Variants in SYT17 observed in about 807,000 individuals in gnomAD.
The protein encoded by SYT17 is synaptotagmin 17, also known as synaptotagmin-17.
A neutral mutation model predicts 46.7 loss-of-function variants in SYT17; 22 were observed. That is an observed-to-expected ratio of 0.47 (90% CI 0.34 to 0.67). SYT17 has a LOEUF of 0.67. SYT17 is among the 30% of genes least tolerant of loss of function. The pLI is 0.01. For missense variants in SYT17, 519 were observed against 612.8 expected (o/e 0.85, Z 1.62); for synonymous variants, 251 against 248.4 (o/e 1.01, Z -0.10).
chr16:19,168,615 G>A lies in SYT17; in HGVS notation c.-32G>A. 1 of 1,541,402 alleles carries A rather than the reference G, an allele frequency of 6.5e-7. No individual in the cohort carries two copies. ...GGCAAAGTGGCCGTGGCGGCGCCAT[G>A]CCCGGGCCGGAGTGAGTGCGCGCGG... On this transcript the variant is annotated 5_prime_UTR_variant, in exon 1 of 8. An upstream start codon of the reference 5' UTR is lost. Transcript: ENST00000355377. This position sits in a 1 kb window ranked among gnomAD's most constrained non-coding sequence, Gnocchi z 6.9.
chr16:19,209,187 A>G (rs998736677), intron 5 of SYT17, among the ~76,000 whole-genome samples: 3 of 152,106 alleles, frequency 2.0e-5, no homozygotes, highest in African/African-American at 7.2e-5. Context: ...ATTTCTAAAT[A>G]AGGTCACATT....
At chr16:19,244,670 G>C (rs995632646) in intron 7 of SYT17, among the ~76,000 whole-genome samples, 1 of 152,046 alleles carries the variant, frequency 6.6e-6, no homozygotes, top group Admixed American at 6.6e-5. Flanking sequence ...ATGGTCCTTC[G>C]AGGATCCTGT....
intron 7 of SYT17, among the ~76,000 whole-genome samples, chr16:19,258,641 C>G (rs1290500319): frequency 1.3e-5 from 2 of 151,942 alleles, no homozygotes; most frequent in African/African-American, 4.8e-5. Flanking sequence ...GACTCCATCT[C>G]AAAAATAAAA....
At chr16:19,185,826 G>C (rs1208125183) in intron 5 of SYT17, among the ~76,000 whole-genome samples, 1 of 152,234 alleles carries the variant, frequency 6.6e-6, no homozygotes, top group Non-Finnish European at 1.5e-5. Context: ...GTTGTCAGGA[G>C]ACGACGTCTT....
intron 7 of SYT17, among the ~76,000 whole-genome samples, chr16:19,242,238 C>T (rs1020328301): frequency 6.6e-5 from 10 of 152,144 alleles, no homozygotes; most frequent in Non-Finnish European, 1.0e-4. Context: ...AATAAACGAA[C>T]AGCTAAATAA....
chr16:19,225,966 G>A (rs1966483047), intron 7 of SYT17, among the ~76,000 whole-genome samples: 1 of 152,250 alleles, frequency 6.6e-6, no homozygotes, highest in African/African-American at 2.4e-5. Flanking sequence ...GGTAGGAAGA[G>A]TGGGAGGTGG....
At chr16:19,193,979 C>A (rs565003676) in intron 5 of SYT17, among the ~76,000 whole-genome samples, 3 of 152,350 alleles carry the variant, frequency 2.0e-5, no homozygotes, top group South Asian at 4.1e-4. Flanking sequence ...GGGCTAGGTG[C>A]TGTGGTGGGC....
chr16:19,205,153 T>C (rs1435752463), intron 5 of SYT17, among the ~76,000 whole-genome samples: 1 of 152,206 alleles, frequency 6.6e-6, no homozygotes, highest in Non-Finnish European at 1.5e-5. Flanking sequence ...GTTCATGTCT[T>C]ACTCCTGCAT....
At chr16:19,235,087 T>C (rs8055201) in intron 7 of SYT17, among the ~76,000 whole-genome samples, 110,888 of 152,016 alleles carry the variant, frequency 0.73, 41,595 homozygotes, top group East Asian at 0.99. Context: ...CAGCGCCAGA[T>C]CAGTCATGGG....
intron 7 of SYT17, among the ~76,000 whole-genome samples, chr16:19,231,615 G>A (rs577517558): frequency 1.8e-4 from 27 of 150,806 alleles, no homozygotes; most frequent in South Asian, 1.1e-3. Context: ...CTAAGGAAGC[G>A]TTTCCAAAGC....
At chr16:19,262,968 G>A (rs74011565) in intron 7 of SYT17, among the ~76,000 whole-genome samples, 5,381 of 151,706 alleles carry the variant, frequency 0.035, 279 homozygotes, top group African/African-American at 0.12. Flanking sequence ...GCCATTTCCC[G>A]TTTTTCATTC....
At chr16:19,171,751 CA>C (rs1964102613) in intron 1 of SYT17, 1 of 152,018 alleles carries the variant, frequency 6.6e-6, no homozygotes, top group African/African-American at 2.4e-5. Context: ...GATCATGTGA[CA>C]TCGCAGAAGG....
In SYT17 at chr16:19,267,107, TA is replaced by T. The variant is rs11379176; in HGVS notation, c.*47del. 0.073 allele frequency: 94,414 copies of T among 1,285,466 alleles called. No individual in the cohort carries two copies. The highest frequency in any genetic ancestry group is 0.083 in the Non-Finnish European group (81,271 of 982,806). 79.6% of individuals were successfully genotyped at this position (1,285,466 alleles called of 1,614,324 possible). A position where few individuals can be genotyped will look rare whatever the true frequency, so the allele number is the denominator to read the frequency against. ...GCAGGGAAGGCAGCTTTCATTTGTT[TA>T]AAAAAAAAAAAAAAAGACGGAAAAA... On this transcript the variant is annotated 3_prime_UTR_variant, in exon 8 of 8. Coordinates refer to ENST00000355377, the MANE Select transcript of SYT17 (RefSeq NM_016524.4).
intron 5 of SYT17, among the ~76,000 whole-genome samples, chr16:19,196,775 G>A (rs80300257): frequency 3.9e-5 from 6 of 152,278 alleles, no homozygotes; most frequent in African/African-American, 9.6e-5. Context: ...TGCTCTGGGC[G>A]TTGTGCATTC....
intron 3 of SYT17, among the ~76,000 whole-genome samples, chr16:19,178,941 T>C (rs1214181038): frequency 6.6e-6 from 1 of 151,482 alleles, no homozygotes; most frequent in Non-Finnish European, 1.5e-5. Flanking sequence ...GCATCTATAG[T>C]CCCAGCTACT....
chr16:19,225,897 A>G (rs953422312), intron 7 of SYT17, among the ~76,000 whole-genome samples: 2 of 152,174 alleles, frequency 1.3e-5, no homozygotes, highest in African/African-American at 2.4e-5. Context: ...ATTATATTCT[A>G]TTCACTAGAA....
chr16:19,238,792 C>T lies in SYT17; in HGVS notation c.1228+13954C>T, dbSNP rs116479001. Among the ~76,000 whole-genome samples the T allele has an allele frequency of 4.9e-3, 749 of 152,208 alleles. 10 individuals are homozygous for T. The highest frequency in any genetic ancestry group is 0.018 in the African/African-American group (731 of 41,516). ...GGCCAGATTTCAGGCTTGCTTTGTG[C>T]CTCGGTGGTGGCAAGATGCAATCTT... On this transcript the variant is annotated intron_variant, in intron 7 of 7. Coordinates refer to ENST00000355377, the MANE Select transcript of SYT17 (RefSeq NM_016524.4).
At chr16:19,231,687 G>A (rs1048572011) in intron 7 of SYT17, among the ~76,000 whole-genome samples, 1 of 152,134 alleles carries the variant, frequency 6.6e-6, no homozygotes, top group Non-Finnish European at 1.5e-5. Context: ...TGAGGTGGGA[G>A]GGGGTGGGAC....
At chr16:19,193,276 C>T (rs1217651774) in intron 5 of SYT17, among the ~76,000 whole-genome samples, 2 of 152,170 alleles carry the variant, frequency 1.3e-5, no homozygotes, top group African/African-American at 4.8e-5. Flanking sequence ...TGCTCTTAGG[C>T]ATTCATGTAG....
Sources: gnomAD v4.1 joint callset for allele counts (sites outside exome capture counted in the v4.1 genomes callset) on GRCh38, gnomAD v4.1.1 for gene constraint, Gnocchi (gnomAD v3.1) non-coding constraint, MANE v1.5 for transcripts, NCBI Gene and HGNC (gene_info 2026-07-23, HGNC 2026-07-21) for gene names.